The following LRP1B variants were observed in gnomAD, a reference collection of about 807,000 sequenced individuals.
The protein encoded by LRP1B is low-density lipoprotein receptor-related protein 1B.
LRP1B carries 217 observed loss-of-function variants against 556.6 expected under a neutral mutation model. The observed-to-expected ratio is 0.39, with a 90% CI of 0.35 to 0.44. LRP1B has a LOEUF of 0.44. LRP1B is among the 20% of genes least tolerant of loss of function. LRP1B has a pLI of 1.00. For missense variants in LRP1B, 5,053 were observed against 5,620.8 expected, an observed-to-expected ratio of 0.90 and a Z score of 3.23; for synonymous variants, 2,047 against 1,865.8, an observed-to-expected ratio of 1.10 and a Z score of -2.50.
chr2:141,217,767 A>G (rs1682873372), intron 6 of LRP1B, among the ~76,000 whole-genome samples: 1 of 152,202 alleles, frequency 6.6e-6, no homozygotes, highest in Non-Finnish European at 1.5e-5. Flanking sequence ...GCTTCTGCTT[A>G]GCAAAGAAAC....
chr2:141,328,082 G>A (rs981198442), intron 3 of LRP1B, among the ~76,000 whole-genome samples: 1 of 152,146 alleles, frequency 6.6e-6, no homozygotes, highest in Admixed American at 6.5e-5. Context: ...TACATGGTTA[G>A]GTTATTCTGT....
Position 141,538,347 on chromosome 2 carries a change from C to T in LRP1B, c.206-57814G>A, listed in dbSNP as rs146598238. Among the ~76,000 whole-genome samples the T allele has an allele frequency of 3.0e-4, 46 of 152,222 alleles. No individual in the cohort carries two copies. In the East Asian group the frequency reaches 8.7e-3, roughly 29 times the overall value. ...CTTTAGTTCAAAATCTTCCCTCTCT[C>T]GCTTCTATAGTAAATGACAAGAATA... On this transcript the variant is annotated intron_variant, in intron 2 of 90. Coordinates refer to ENST00000389484, the MANE Select transcript of LRP1B (RefSeq NM_018557.3).
intron 43 of LRP1B, among the ~76,000 whole-genome samples, chr2:140,591,177 T>C (rs1326348988): frequency 6.6e-6 from 1 of 152,166 alleles, no homozygotes; most frequent in Non-Finnish European, 1.5e-5. Context: ...GCCTCCTGAG[T>C]TCAGAAAAAT....
intron 35 of LRP1B, among the ~76,000 whole-genome samples, chr2:140,746,710 G>A (rs1688326403): frequency 6.6e-6 from 1 of 152,014 alleles, no homozygotes. Flanking sequence ...ATATGAGGGG[G>A]TTGTGCATTC....
At chr2:140,300,835 T>C (rs1683788976) in intron 83 of LRP1B, among the ~76,000 whole-genome samples, 1 of 152,136 alleles carries the variant, frequency 6.6e-6, no homozygotes. Context: ...GAAGCATTTC[T>C]AGCTGTACCA....
intron 1 of LRP1B, among the ~76,000 whole-genome samples, chr2:141,830,744 T>A (rs1697088252): frequency 6.6e-6 from 1 of 151,776 alleles, no homozygotes; most frequent in African/African-American, 2.4e-5. Context: ...AAATCAAGAA[T>A]TTAATACATT....
intron 31 of LRP1B, among the ~76,000 whole-genome samples, chr2:140,814,926 G>A (rs1243967744): frequency 2.6e-5 from 4 of 152,062 alleles, no homozygotes; most frequent in Non-Finnish European, 5.9e-5. Flanking sequence ...GTTTGCTAAA[G>A]GTCCTTGGCA....
At chr2:141,759,853 T>C (rs1288756659) in intron 2 of LRP1B, among the ~76,000 whole-genome samples, 1 of 152,078 alleles carries the variant, frequency 6.6e-6, no homozygotes, top group Non-Finnish European at 1.5e-5. Flanking sequence ...AAAATATACT[T>C]GAATATTGGC....
chr2:141,716,702 C>T (rs947793634), intron 2 of LRP1B, among the ~76,000 whole-genome samples: 11 of 152,252 alleles, frequency 7.2e-5, no homozygotes, highest in South Asian at 2.1e-4. Flanking sequence ...ACAGCTTTGG[C>T]GGCCTGCAAT....
chr2:141,320,511 T>C (rs1008891554), intron 3 of LRP1B, among the ~76,000 whole-genome samples: 3 of 152,170 alleles, frequency 2.0e-5, no homozygotes, highest in African/African-American at 7.2e-5. Context: ...TAGACACTGA[T>C]GCGGAGGACC....
chr2:140,526,224 T>C lies in LRP1B; in HGVS notation c.7876+13A>G, dbSNP rs748637044. The C allele has an allele frequency of 1.9e-6, 3 of 1,603,570 alleles. No individual in the cohort carries two copies. Among genetic ancestry groups the C allele is most frequent in the Non-Finnish European group, 1.7e-6 (2 of 1,171,208 alleles). On this transcript the variant is annotated intron_variant, in intron 48 of 90. Transcript: ENST00000389484. ...CCAAGCATAAACAGACAAAAGGTAG[T>C]GGAATATCTTACTGCAGTTCTTTTC...
At chr2:140,575,587 A>C (rs1681488575) in intron 43 of LRP1B, among the ~76,000 whole-genome samples, 1 of 152,160 alleles carries the variant, frequency 6.6e-6, no homozygotes, top group Non-Finnish European at 1.5e-5. Context: ...TAAGAATGGA[A>C]GAAAAGCAGC....
intron 11 of LRP1B, among the ~76,000 whole-genome samples, chr2:141,025,250 G>C (rs1379989082): frequency 6.6e-6 from 1 of 152,014 alleles, no homozygotes; most frequent in Non-Finnish European, 1.5e-5. Flanking sequence ...AATGCAGATA[G>C]ATAGAGCAAA....
intron 43 of LRP1B, among the ~76,000 whole-genome samples, chr2:140,593,945 C>CA (rs1682329042): frequency 6.6e-6 from 1 of 151,660 alleles, no homozygotes; most frequent in Non-Finnish European, 1.5e-5. Context: ...CAGCATTTTT[C>CA]AAATCTCTAC....
chr2:140,282,870 C>A (rs1481740656), intron 84 of LRP1B, among the ~76,000 whole-genome samples: 1 of 151,770 alleles, frequency 6.6e-6, no homozygotes, highest in Non-Finnish European at 1.5e-5. Flanking sequence ...TCAAGGTGAT[C>A]TATTCATTAT....
At chr2:140,521,393 T>A (rs1490774924) in intron 49 of LRP1B, among the ~76,000 whole-genome samples, 2 of 152,046 alleles carry the variant, frequency 1.3e-5, no homozygotes, top group African/African-American at 4.8e-5. Flanking sequence ...TGGGGACCTA[T>A]TTTTAGCATT....
intron 41 of LRP1B, among the ~76,000 whole-genome samples, chr2:140,648,144 A>G (rs1684550473): frequency 6.6e-6 from 1 of 152,196 alleles, no homozygotes; most frequent in Non-Finnish European, 1.5e-5. Context: ...TTGTAGGGAC[A>G]TGGATGAAGC....
Position 141,102,138 on chromosome 2 carries a change from C to G in LRP1B, c.1014-39865G>C, listed in dbSNP as rs533770424. Among the ~76,000 whole-genome samples, 6 of 152,248 alleles carry G rather than the reference C, an allele frequency of 3.9e-5. No homozygotes were observed. In the South Asian group the frequency reaches 1.0e-3, roughly 26 times the overall value. On this transcript the variant is annotated intron_variant, in intron 7 of 90. Coordinates refer to ENST00000389484, the MANE Select transcript of LRP1B (RefSeq NM_018557.3). ...GCTTATACAGAGCTGGATCAGGGAT[C>G]CAAGCCTCTCCACTCCCAAGTGTGC...
At chr2:140,360,536 C>T (rs1682457897) in intron 72 of LRP1B, among the ~76,000 whole-genome samples, 1 of 151,574 alleles carries the variant, frequency 6.6e-6, no homozygotes, top group South Asian at 2.1e-4. Context: ...ATTATATCTT[C>T]ACGCTGCTGC....
Sources: allele counts gnomAD v4.1 joint callset (sites outside exome capture counted in the v4.1 genomes callset), GRCh38; gene constraint gnomAD v4.1.1; transcripts MANE v1.5; gene names NCBI Gene and HGNC (gene_info 2026-07-23, HGNC 2026-07-21).